The following AGBL4 variants were observed in gnomAD, a reference collection of about 807,000 sequenced individuals.
AGBL4 encodes cytosolic carboxypeptidase 6.
AGBL4 carries 58 observed loss-of-function variants against 66.4 expected under a neutral mutation model. The observed-to-expected ratio is 0.87, with a 90% CI of 0.71 to 1.09. The LOEUF (loss-of-function observed/expected upper bound fraction) is 1.09. AGBL4 is among the 50% of genes least tolerant of loss of function. The pLI is 0.00. For synonymous variants in AGBL4, 234 were observed against 222.9 expected (o/e 1.05, Z -0.44); for missense variants, 579 against 631.0 (o/e 0.92, Z 0.88).
At chr1:50,014,072 A>T (rs1661750837) in intron 1 of AGBL4, among the ~76,000 whole-genome samples, 1 of 152,160 alleles carries the variant, frequency 6.6e-6, no homozygotes, top group South Asian at 2.1e-4. Context: ...AGACAGATAC[A>T]TCCAAATGAG....
chr1:49,071,876 T>TCTAAG (rs949638601), intron 4 of AGBL4, among the ~76,000 whole-genome samples: 5 of 152,152 alleles, frequency 3.3e-5, no homozygotes, highest in African/African-American at 9.7e-5. Flanking sequence ...TGTGTGGGTG[T>TCTAAG]CTAAGTGTCT....
At chr1:49,235,425 T>C (rs576231351) in intron 4 of AGBL4, among the ~76,000 whole-genome samples, 2 of 152,346 alleles carry the variant, frequency 1.3e-5, no homozygotes, top group South Asian at 4.1e-4. Flanking sequence ...CTGCATCAAG[T>C]TGTCACATTT....
intron 9 of AGBL4, among the ~76,000 whole-genome samples, chr1:48,607,824 C>T (rs548703137): frequency 6.6e-6 from 1 of 152,126 alleles, no homozygotes; most frequent in Non-Finnish European, 1.5e-5. Context: ...GTCCTGACTC[C>T]GAGTCAATCC....
chr1:49,836,955 C>T lies in AGBL4; in HGVS notation c.157+14441G>A, dbSNP rs118071949. 1.1e-3 allele frequency among the ~76,000 whole-genome samples: 173 copies of T among 152,248 alleles called. 6 individuals are homozygous for T. In the East Asian group the frequency reaches 0.029, roughly 26 times the overall value. ...TGCTTGCTCTTTCCTCAGGAAGCTTCGTTCCAGAGAGGCACCTGCCAGATG... is the reference window on the plus strand; with the variant it reads ...TGCTTGCTCTTTCCTCAGGAAGCTTTGTTCCAGAGAGGCACCTGCCAGATG... On this transcript the variant is annotated intron_variant, in intron 2 of 13. Coordinates refer to ENST00000371839, the MANE Select transcript of AGBL4 (RefSeq NM_032785.4).
At chr1:48,568,184 T>A (rs1481925144) in intron 11 of AGBL4, among the ~76,000 whole-genome samples, 3 of 152,176 alleles carry the variant, frequency 2.0e-5, no homozygotes, top group Non-Finnish European at 4.4e-5. Context: ...AAAATGACTA[T>A]CACCTACATG....
At chr1:48,573,430 A>T (rs1644600520) in intron 11 of AGBL4, among the ~76,000 whole-genome samples, 1 of 152,246 alleles carries the variant, frequency 6.6e-6, no homozygotes, top group Middle Eastern at 3.4e-3. Flanking sequence ...TTTCCTCAAC[A>T]CCAGACTAAG....
At chr1:49,135,458 G>C (rs1047129237) in intron 4 of AGBL4, among the ~76,000 whole-genome samples, 4 of 152,092 alleles carry the variant, frequency 2.6e-5, no homozygotes, top group Non-Finnish European at 5.9e-5. Context: ...GAAATATAGA[G>C]GTGTGAAGTG....
intron 6 of AGBL4, among the ~76,000 whole-genome samples, chr1:48,848,361 CATA>C (rs1254888466): frequency 3.9e-5 from 6 of 152,134 alleles, no homozygotes; most frequent in Non-Finnish European, 7.4e-5. Flanking sequence ...CAGGTGAAGC[CATA>C]AAGTATTTCA....
chr1:49,400,448 T>C (rs1645060453), intron 3 of AGBL4, among the ~76,000 whole-genome samples: 3 of 152,190 alleles, frequency 2.0e-5, no homozygotes, highest in South Asian at 4.1e-4. Flanking sequence ...AGGGATTGCA[T>C]TGAATCTGTA....
At chr1:49,468,579 T>C (rs951370816) in intron 3 of AGBL4, among the ~76,000 whole-genome samples, 12 of 151,872 alleles carry the variant, frequency 7.9e-5, no homozygotes, top group African/African-American at 2.9e-4. Flanking sequence ...CCATAATCTA[T>C]TCCTGTAATA....
intron 4 of AGBL4, among the ~76,000 whole-genome samples, chr1:49,200,984 A>C (rs1647653785): frequency 6.6e-6 from 1 of 152,134 alleles, no homozygotes; most frequent in South Asian, 2.1e-4. Flanking sequence ...GCTGTCAGCC[A>C]CCTCATTAAC....
intron 4 of AGBL4, among the ~76,000 whole-genome samples, chr1:49,227,332 C>T (rs571565760): frequency 2.0e-5 from 3 of 152,270 alleles, no homozygotes; most frequent in South Asian, 2.1e-4. Flanking sequence ...ATGAACAAAA[C>T]GATTTCTTCC....
chr1:49,099,484 G>A (rs1003220764), intron 4 of AGBL4, among the ~76,000 whole-genome samples: 2 of 152,096 alleles, frequency 1.3e-5, no homozygotes, highest in African/African-American at 2.4e-5. Context: ...AATCTCCTAA[G>A]CTGCAAAACA....
At chr1:49,077,936 A>G (rs1483944760) in intron 4 of AGBL4, among the ~76,000 whole-genome samples, 2 of 152,176 alleles carry the variant, frequency 1.3e-5, no homozygotes, top group Non-Finnish European at 2.9e-5. Context: ...AGGGCTTACT[A>G]TATAACAGGC....
chr1:48,703,761 G>GA (rs1354127941), intron 6 of AGBL4, among the ~76,000 whole-genome samples: 1 of 151,802 alleles, frequency 6.6e-6, no homozygotes, highest in East Asian at 1.9e-4. Flanking sequence ...ACTAGAATCA[G>GA]AAAAAAAGAG....
intron 4 of AGBL4, among the ~76,000 whole-genome samples, chr1:49,117,741 T>C (rs1369948847): frequency 6.6e-6 from 1 of 152,216 alleles, no homozygotes; most frequent in East Asian, 1.9e-4. Context: ...AAGTAGTTTT[T>C]TCCAGTTCTG....
At chr1:49,197,407 CTG>C (rs2148221424) in intron 4 of AGBL4, among the ~76,000 whole-genome samples, 1 of 152,306 alleles carries the variant, frequency 6.6e-6, no homozygotes, top group Admixed American at 6.5e-5. Flanking sequence ...TTGTATTAGG[CTG>C]TGCAGGTCAA....
At chr1:49,377,755 GA>G (rs1049681030) in intron 3 of AGBL4, among the ~76,000 whole-genome samples, 6 of 152,066 alleles carry the variant, frequency 3.9e-5, no homozygotes, top group African/African-American at 1.2e-4. Flanking sequence ...CATACAGCAT[GA>G]ATTTCGTTAC....
chr1:48,557,169 T>C (rs1203254913), intron 11 of AGBL4, among the ~76,000 whole-genome samples: 3 of 152,226 alleles, frequency 2.0e-5, no homozygotes, highest in African/African-American at 4.8e-5. Context: ...TAATTTCCCC[T>C]GTGTTTAACA....
Sources: gnomAD v4.1 joint callset for allele counts (sites outside exome capture counted in the v4.1 genomes callset) on GRCh38, gnomAD v4.1.1 for gene constraint, MANE v1.5 for transcripts, NCBI Gene and HGNC (gene_info 2026-07-23, HGNC 2026-07-21) for gene names.